The following CNTN4 variants were observed in gnomAD, a reference collection of about 807,000 sequenced individuals.
CNTN4 encodes contactin 4.
A neutral mutation model predicts 122.5 loss-of-function variants in CNTN4; 77 were observed. The ratio of observed to expected loss-of-function variants is 0.63; its 90% CI spans 0.52 to 0.76. The LOEUF (loss-of-function observed/expected upper bound fraction) is 0.76, where lower values mean the gene tolerates loss of function less well. CNTN4 is among the 30% of genes least tolerant of loss of function. CNTN4 has a pLI of 0.00. For synonymous variants in CNTN4, 512 were observed against 447.0 expected (o/e 1.15, Z -1.83); for missense variants, 1,256 against 1,259.1 (o/e 1.00, Z 0.04).
intron 3 of CNTN4, among the ~76,000 whole-genome samples, chr3:2,470,028 G>T (rs1228211181): frequency 6.6e-6 from 1 of 151,876 alleles, no homozygotes; most frequent in Non-Finnish European, 1.5e-5. Context: ...TGCTTTTCAA[G>T]GTTCTATAAC....
intron 3 of CNTN4, among the ~76,000 whole-genome samples, chr3:2,504,341 A>G (rs921990884): frequency 2.0e-5 from 3 of 152,154 alleles, no homozygotes; most frequent in African/African-American, 7.2e-5. Flanking sequence ...TGGATCATAT[A>G]GCTTTTGTGA....
At chr3:2,441,181 T>A (rs994182288) in intron 3 of CNTN4, among the ~76,000 whole-genome samples, 1 of 152,116 alleles carries the variant, frequency 6.6e-6, no homozygotes, top group Non-Finnish European at 1.5e-5. Context: ...AGTTGCTGCA[T>A]TTTACCTTCA....
At chr3:2,855,561 T>C (rs1031684914) in intron 7 of CNTN4, among the ~76,000 whole-genome samples, 4 of 152,234 alleles carry the variant, frequency 2.6e-5, no homozygotes, top group Admixed American at 1.3e-4. Context: ...AACAAAAGTA[T>C]CTGGCTCACT....
intron 3 of CNTN4, among the ~76,000 whole-genome samples, chr3:2,352,041 A>T: frequency 6.6e-6 from 1 of 152,336 alleles, no homozygotes; most frequent in East Asian, 1.9e-4. Flanking sequence ...ACATATATCA[A>T]AACATCACAT....
chr3:2,146,828 T>C (rs559351435), intron 2 of CNTN4, among the ~76,000 whole-genome samples: 12 of 152,244 alleles, frequency 7.9e-5, no homozygotes, highest in African/African-American at 2.6e-4. Flanking sequence ...AATTAGTAAA[T>C]ATCAGTTTCT....
At chr3:2,181,604 A>G (rs2149285463) in intron 2 of CNTN4, among the ~76,000 whole-genome samples, 1 of 152,210 alleles carries the variant, frequency 6.6e-6, no homozygotes, top group South Asian at 2.1e-4. Flanking sequence ...GCCTTTGTAA[A>G]TGATTACATT....
chr3:2,428,717 A>ACG (rs2151177548), intron 3 of CNTN4, among the ~76,000 whole-genome samples: 1 of 152,252 alleles, frequency 6.6e-6, no homozygotes, highest in South Asian at 2.1e-4. Context: ...CACCAATCAG[A>ACG]CGTGGATTTG....
chr3:2,851,045 A>T (rs1375898782), intron 7 of CNTN4, among the ~76,000 whole-genome samples: 3 of 152,248 alleles, frequency 2.0e-5, no homozygotes, highest in African/African-American at 7.2e-5. Context: ...ACAAAAAGCT[A>T]GAAATCGAAG....
intron 14 of CNTN4, among the ~76,000 whole-genome samples, chr3:3,009,566 T>C (rs533294415): frequency 9.5e-4 from 137 of 143,802 alleles, no homozygotes; most frequent in Non-Finnish European, 1.7e-3. Flanking sequence ...CCCGAGTAGC[T>C]GGGACTACAG....
intron 2 of CNTN4, among the ~76,000 whole-genome samples, chr3:2,199,672 C>T (rs1047191118): frequency 3.3e-5 from 5 of 152,092 alleles, no homozygotes; most frequent in East Asian, 1.9e-4. Context: ...GACAAGACAC[C>T]GCTGTTCTCC....
intron 2 of CNTN4, among the ~76,000 whole-genome samples, chr3:2,333,069 C>G (rs1001562741): frequency 7.2e-5 from 11 of 152,106 alleles, no homozygotes; most frequent in Non-Finnish European, 1.2e-4. Context: ...CTCCAATGAG[C>G]TGTCCTAATT....
At chr3:2,814,502 A>T (rs2092684409) in intron 6 of CNTN4, among the ~76,000 whole-genome samples, 1 of 152,236 alleles carries the variant, frequency 6.6e-6, no homozygotes, top group South Asian at 2.1e-4. Flanking sequence ...TTGAGTGCCC[A>T]ACCACAAAGA....
At chr3:2,899,018 A>C (rs1320608550) in intron 10 of CNTN4, among the ~76,000 whole-genome samples, 1 of 152,184 alleles carries the variant, frequency 6.6e-6, no homozygotes, top group Non-Finnish European at 1.5e-5. Flanking sequence ...TGATGTTCTA[A>C]ATTTTTTTGA....
At chr3:2,474,594 A>G (rs1448418962) in intron 3 of CNTN4, among the ~76,000 whole-genome samples, 2 of 152,230 alleles carry the variant, frequency 1.3e-5, no homozygotes, top group East Asian at 3.8e-4. Context: ...TGTAGTAGTA[A>G]TAATGATAAT....
intron 4 of CNTN4, among the ~76,000 whole-genome samples, chr3:2,644,266 C>T (rs2083020941): frequency 1.3e-5 from 2 of 152,142 alleles, no homozygotes; most frequent in Non-Finnish European, 2.9e-5. Flanking sequence ...CTCCCATCGC[C>T]GAGTTTTATT....
At chr3:3,016,707 C>T (rs1319524161) in intron 14 of CNTN4, among the ~76,000 whole-genome samples, 1 of 152,152 alleles carries the variant, frequency 6.6e-6, no homozygotes, top group Non-Finnish European at 1.5e-5. Flanking sequence ...GATCTAATAA[C>T]TTTGATTACC....
Position 2,110,371 on chromosome 3 carries a change from C to T in CNTN4, c.-145+9732C>T, listed in dbSNP as rs1232778199. On this transcript the variant is annotated intron_variant, in intron 2 of 24. Transcript: ENST00000418658. ...ACATTGTAAGCATTAGGTAAATGAA[C>T]CGTATACTACAATCTTTACAACTTA... 3 of 152,342 alleles carry T rather than the reference C, an allele frequency of 2.0e-5. No homozygotes were observed. The East Asian group carries it at 5.8e-4, about 29-fold the overall frequency. The allele number at this position is 152,342 out of a possible 1,614,324, so 9.4% of individuals were successfully genotyped here. A position where few individuals can be genotyped will look rare whatever the true frequency, so the allele number is the denominator to read the frequency against.
At chr3:3,049,904 A>G (rs1394226208) in intron 23 of CNTN4, among the ~76,000 whole-genome samples, 1 of 152,216 alleles carries the variant, frequency 6.6e-6, no homozygotes, top group Non-Finnish European at 1.5e-5. Flanking sequence ...AGACAGGAAT[A>G]TAGATCACTG....
intron 4 of CNTN4, among the ~76,000 whole-genome samples, chr3:2,719,119 G>A (rs927909456): frequency 6.6e-6 from 1 of 152,158 alleles, no homozygotes; most frequent in African/African-American, 2.4e-5. Flanking sequence ...GTTCAATGAA[G>A]GAAGGGAGGG....
Sources: gnomAD v4.1 joint callset for allele counts (sites outside exome capture counted in the v4.1 genomes callset) on GRCh38, gnomAD v4.1.1 for gene constraint, MANE v1.5 for transcripts, NCBI Gene and HGNC (gene_info 2026-07-23, HGNC 2026-07-21) for gene names.